The following ADGRL2 variants were observed in gnomAD, a reference collection of about 807,000 sequenced individuals.
The protein encoded by ADGRL2 is adhesion G protein-coupled receptor L2.
In ADGRL2, 44 loss-of-function variants were observed where a neutral mutation model predicts 157.4. The ratio of observed to expected loss-of-function variants is 0.28; its 90% CI spans 0.22 to 0.36. ADGRL2 has a LOEUF of 0.36. Ranked by LOEUF, ADGRL2 falls within the 10% of genes least tolerant of loss-of-function variation. The pLI, the probability that ADGRL2 is intolerant of heterozygous loss-of-function variation, is 1.00. For missense variants in ADGRL2, 1,510 were observed against 1,768.9 expected (o/e 0.85, Z 2.63); for synonymous variants, 585 against 624.7 (o/e 0.94, Z 0.95).
intron 1 of ADGRL2, among the ~76,000 whole-genome samples, chr1:81,825,679 A>T (rs1258477647): frequency 6.9e-6 from 1 of 144,110 alleles, no homozygotes; most frequent in African/African-American, 2.6e-5. Flanking sequence ...AAAAAAAAAG[A>T]CATACTAGAT....
At chr1:81,356,971 A>AAAAAAAAAAAAAAAGAAG (rs80327519) in intron 1 of ADGRL2, among the ~76,000 whole-genome samples, 56 of 99,372 alleles carry the variant, frequency 5.6e-4, no homozygotes, top group Non-Finnish European at 9.8e-4. Flanking sequence ...AAAAAAAAAA[A>AAAAAAAAAAAAAAAGAAG]AAGAAGTTGT....
At chr1:81,623,608 G>A (rs2081843889) in intron 3 of ADGRL2, among the ~76,000 whole-genome samples, 1 of 150,780 alleles carries the variant, frequency 6.6e-6, no homozygotes, top group African/African-American at 2.4e-5. Context: ...GTCAGTATGG[G>A]CCCTAAATCC....
intron 2 of ADGRL2, among the ~76,000 whole-genome samples, chr1:81,562,981 A>G (rs2080477850): frequency 6.6e-6 from 1 of 152,124 alleles, no homozygotes; most frequent in African/African-American, 2.4e-5. Context: ...CCAAAGCTTA[A>G]CTTTTTTGAC....
At chr1:81,733,079 G>A (rs2149186088) in intron 1 of ADGRL2, among the ~76,000 whole-genome samples, 1 of 152,026 alleles carries the variant, frequency 6.6e-6, no homozygotes, top group Non-Finnish European at 1.5e-5. Context: ...ACTTCAGCAA[G>A]ACAATCAAAC....
intron 2 of ADGRL2, among the ~76,000 whole-genome samples, chr1:81,781,852 AT>A (rs1233434558): frequency 1.3e-5 from 2 of 152,214 alleles, no homozygotes; most frequent in African/African-American, 2.4e-5. Flanking sequence ...GGAAGCATTT[AT>A]ATTTCACGGC....
intron 23 of ADGRL2, chr1:81,989,548 A>G (rs934983060): frequency 1.1e-5 from 8 of 739,144 alleles, no homozygotes; most frequent in Middle Eastern, 3.0e-4. Flanking sequence ...AAAGGCTGCT[A>G]TTGCTGGTAA....
chr1:81,393,365 A>C (rs2076594373), intron 1 of ADGRL2, among the ~76,000 whole-genome samples: 1 of 152,004 alleles, frequency 6.6e-6, no homozygotes, highest in Non-Finnish European at 1.5e-5. Flanking sequence ...GGAAAAAAAA[A>C]AAAAAAGCAT....
intron 3 of ADGRL2, among the ~76,000 whole-genome samples, chr1:81,675,383 G>A (rs2082964506): frequency 6.6e-6 from 1 of 152,128 alleles, no homozygotes; most frequent in South Asian, 2.1e-4. Flanking sequence ...GAAAACTTAT[G>A]TTATTCTACT....
intron 1 of ADGRL2, among the ~76,000 whole-genome samples, chr1:81,715,827 G>T (rs1476816736): frequency 6.6e-6 from 1 of 152,050 alleles, no homozygotes; most frequent in Non-Finnish European, 1.5e-5. Flanking sequence ...AGAGTTCTTA[G>T]GTCTCCTGTA....
intron 1 of ADGRL2, among the ~76,000 whole-genome samples, chr1:81,326,042 A>G (rs541889520): frequency 1.3e-5 from 2 of 152,286 alleles, no homozygotes; most frequent in South Asian, 4.1e-4. Context: ...AAGATTCTTT[A>G]GTGTGGACTA....
intron 2 of ADGRL2, among the ~76,000 whole-genome samples, chr1:81,455,927 A>G (rs1348813081): frequency 6.6e-6 from 1 of 152,210 alleles, no homozygotes; most frequent in East Asian, 1.9e-4. Context: ...TCTTGAGTGA[A>G]TCCTTGATCA....
chr1:81,809,007 AGTTTAGGTCT>A (rs2089517629), intron 1 of ADGRL2, among the ~76,000 whole-genome samples: 1 of 152,040 alleles, frequency 6.6e-6, no homozygotes, highest in Admixed American at 6.6e-5. Flanking sequence ...CTGAGGGTAA[AGTTTAGGTCT>A]GTTTTAGCCC....
intron 1 of ADGRL2, among the ~76,000 whole-genome samples, chr1:81,704,517 A>G (rs891574556): frequency 3.3e-5 from 5 of 152,206 alleles, no homozygotes; most frequent in Non-Finnish European, 7.3e-5. Context: ...GATAGTAATC[A>G]GTAGGAAAAG....
intron 2 of ADGRL2, among the ~76,000 whole-genome samples, chr1:81,518,349 C>T (rs1263684879): frequency 6.6e-6 from 1 of 152,174 alleles, no homozygotes; most frequent in Non-Finnish European, 1.5e-5. Context: ...ACACATCGAA[C>T]ACTCCAAACC....
rs572169403 is a variant in ADGRL2 at position 81,888,594 on chromosome 1, G to A, written c.74-18423G>A. The stretch of plus-strand genomic sequence containing the variant: ...GCTAGGACTACAGGCGCCCGCCACC[G>A]CGCCCGGCTAATTTTGTTTTTGTAT... On this transcript the variant is annotated intron_variant, in intron 2 of 23. Coordinates refer to ENST00000686636, the MANE Select transcript of ADGRL2 (RefSeq NM_001366006.2). Among the ~76,000 whole-genome samples the A allele has an allele frequency of 1.1e-3, 162 of 151,974 alleles. 1 individual carries two copies. The highest frequency in any genetic ancestry group is 2.9e-3 in the African/African-American group (121 of 41,476).
chr1:81,644,734 A>T (rs2082281755), intron 3 of ADGRL2, among the ~76,000 whole-genome samples: 1 of 152,232 alleles, frequency 6.6e-6, no homozygotes, highest in Non-Finnish European at 1.5e-5. Flanking sequence ...AGGTAGGTTC[A>T]TCAGTTGTAA....
At chr1:81,973,357 A>G (rs542210034) in intron 17 of ADGRL2, among the ~76,000 whole-genome samples, 6 of 152,286 alleles carry the variant, frequency 3.9e-5, no homozygotes, top group Admixed American at 2.6e-4. Context: ...CTAGAGTTCA[A>G]TGGCTGACAT....
intron 11 of ADGRL2, among the ~76,000 whole-genome samples, chr1:81,962,553 C>T (rs1398798245): frequency 6.6e-6 from 1 of 151,768 alleles, no homozygotes; most frequent in African/African-American, 2.4e-5. Context: ...AAATATTTTC[C>T]TTTTGGCTTT....
At chr1:81,563,623 C>CT (rs200916602) in intron 2 of ADGRL2, among the ~76,000 whole-genome samples, 3,805 of 152,144 alleles carry the variant, frequency 0.025, 77 homozygotes, top group East Asian at 0.038. Flanking sequence ...AAAACTCACT[C>CT]TTTTTTTGTT....
Sources: allele counts gnomAD v4.1 joint callset (sites outside exome capture counted in the v4.1 genomes callset), GRCh38; gene constraint gnomAD v4.1.1; transcripts MANE v1.5; gene names NCBI Gene and HGNC (gene_info 2026-07-23, HGNC 2026-07-21).